KAZN: variants seen among roughly 807,000 people sequenced by gnomAD.
KAZN encodes kazrin, periplakin interacting protein.
KAZN carries 40 observed loss-of-function variants against 87.4 expected under a neutral mutation model. That is an observed-to-expected ratio of 0.46 (90% CI 0.36 to 0.60). The LOEUF is 0.60. Among genes scored for constraint, KAZN ranks in the 20% least tolerant of loss-of-function variants. KAZN has a pLI of 0.00. For synonymous variants in KAZN, 466 were observed against 458.3 expected (o/e 1.02, Z -0.22); for missense variants, 898 against 1,073.9 (o/e 0.84, Z 2.29).
Position 14,446,996 on chromosome 1 carries a change from A to G in KAZN, c.250-151987A>G, listed in dbSNP as rs1487388230. Among the ~76,000 whole-genome samples the G allele has an allele frequency of 2.0e-5, 3 of 152,118 alleles. No individual in the cohort carries two copies. In the East Asian group the frequency reaches 5.8e-4, roughly 29 times the overall value. On this transcript the variant is annotated intron_variant, in intron 2 of 16. Transcript: ENST00000636203. ...CATGATGCTGAGGTTTGGGGTACAA[A>G]TCCCGTCACCCAGTTAGTGAGCATA... is the stretch of plus-strand genomic sequence containing the variant.
intron 2 of KAZN, among the ~76,000 whole-genome samples, chr1:14,985,342 C>T (rs1237766755): frequency 7.1e-6 from 1 of 141,476 alleles, no homozygotes; most frequent in Non-Finnish European, 1.5e-5. Context: ...CCAGGTTGGG[C>T]AACATAGGGA....
intron 1 of KAZN, among the ~76,000 whole-genome samples, chr1:14,110,913 G>T (rs890781747): frequency 1.5e-5 from 2 of 135,114 alleles, no homozygotes; most frequent in Admixed American, 1.5e-4. Flanking sequence ...GTTTGTGTGT[G>T]TTTTTTACTT....
At chr1:14,405,445 T>C (rs1663759391) in intron 2 of KAZN, among the ~76,000 whole-genome samples, 1 of 151,872 alleles carries the variant, frequency 6.6e-6, no homozygotes, top group African/African-American at 2.4e-5. Flanking sequence ...CCTATAAGAG[T>C]AGTTTTGCGT....
chr1:14,522,478 C>T (rs190489951), intron 2 of KAZN, among the ~76,000 whole-genome samples: 40 of 152,260 alleles, frequency 2.6e-4, no homozygotes, highest in African/African-American at 9.6e-4. Context: ...GGAGCCAGCT[C>T]TTCCAAAAGG....
intron 1 of KAZN, among the ~76,000 whole-genome samples, chr1:13,911,563 T>A (rs1397114059): frequency 6.6e-6 from 1 of 152,102 alleles, no homozygotes; most frequent in East Asian, 1.9e-4. Flanking sequence ...TCCATCATGG[T>A]TGAGTCAGAA....
At chr1:14,272,407 A>G (rs2100686683) in intron 2 of KAZN, among the ~76,000 whole-genome samples, 1 of 152,362 alleles carries the variant, frequency 6.6e-6, no homozygotes, top group African/African-American at 2.4e-5. Context: ...TTTGAGGACT[A>G]GGCTACATGA....
rs370645244 is a variant in KAZN, at chr1:15,021,542, G to A, written c.419-13207G>A. 5.9e-5 allele frequency among the ~76,000 whole-genome samples: 9 copies of A among 152,090 alleles called. No homozygotes were observed. Among genetic ancestry groups the A allele is most frequent in the Admixed American group, 2.0e-4 (3 of 15,272 alleles). On this transcript the variant is annotated intron_variant, in intron 2 of 14. Transcript: ENST00000376030. This position sits in a 1 kb window ranked among gnomAD's most constrained non-coding sequence, Gnocchi z 4.2. The stretch of plus-strand genomic sequence containing the variant: ...TATACCTTGGCCTCCTGTCTCCCTC[G>A]GGGAGGAGCAGGCAGTGGGGGCCTG...
At chr1:14,084,180 G>A (rs761228479) in intron 1 of KAZN, among the ~76,000 whole-genome samples, 4 of 152,256 alleles carry the variant, frequency 2.6e-5, no homozygotes, top group South Asian at 2.1e-4. Flanking sequence ...GTCTGGGGAC[G>A]ATCAGAAGGT....
chr1:15,105,336 T>C (rs945272149), intron 13 of KAZN, among the ~76,000 whole-genome samples: 1 of 152,230 alleles, frequency 6.6e-6, no homozygotes, highest in African/African-American at 2.4e-5. Context: ...ATTCAATCTC[T>C]TCACTTGTTA....
chr1:14,343,895 G>T (rs747076294), intron 2 of KAZN, among the ~76,000 whole-genome samples: 1 of 152,008 alleles, frequency 6.6e-6, no homozygotes, highest in Non-Finnish European at 1.5e-5. Flanking sequence ...TAAAGAATTG[G>T]GTCCCCATTT....
At chr1:14,780,295 C>T (rs1042813215) in intron 1 of KAZN, among the ~76,000 whole-genome samples, 1 of 152,194 alleles carries the variant, frequency 6.6e-6, no homozygotes, top group Non-Finnish European at 1.5e-5. Flanking sequence ...TGTCTCTTCC[C>T]AGCCTCCCCT....
At chr1:14,405,205 T>A (rs11576759) in intron 2 of KAZN, among the ~76,000 whole-genome samples, 2,534 of 152,344 alleles carry the variant, frequency 0.017, 29 homozygotes, top group Non-Finnish European at 0.026. Flanking sequence ...GAAATGCAGA[T>A]TCTTTCTCTT....
intron 1 of KAZN, among the ~76,000 whole-genome samples, chr1:14,872,921 T>C (rs1383746022): frequency 7.5e-6 from 1 of 134,152 alleles, no homozygotes; most frequent in Non-Finnish European, 1.6e-5. Context: ...GTTGGGTGGA[T>C]GGATGGATGG....
chr1:14,881,490 C>T (rs1011261047), intron 1 of KAZN, among the ~76,000 whole-genome samples: 4 of 152,192 alleles, frequency 2.6e-5, no homozygotes, highest in East Asian at 1.9e-4. Flanking sequence ...GCCATCTTGC[C>T]GAATCTTCCA....
chr1:14,886,055 A>G (rs1654012354), intron 1 of KAZN, among the ~76,000 whole-genome samples: 1 of 151,996 alleles, frequency 6.6e-6, no homozygotes, highest in Non-Finnish European at 1.5e-5. Flanking sequence ...GTGGCAAGCC[A>G]TAAAGTCTCC....
In KAZN at chr1:15,104,154, G is replaced by A. The variant is rs960144533; in HGVS notation, c.2013G>A (p.Leu671=). The A allele has an allele frequency of 1.6e-5, 26 of 1,600,972 alleles. No homozygotes were observed. Among genetic ancestry groups the A allele is most frequent in the Non-Finnish European group, 2.0e-5 (24 of 1,174,176 alleles). ...PSGKHILRRH[L]AEEMSAVFHP... is the part of the protein sequence containing the mutation. ...GGAAGCACATCCTCCGGAGACACCT[G>A]GCAGAGGAGATGAGCGCCGTCTTCC... The change falls in exon 13 of 15, where the codon CTG becomes CTA. Residue 671 remains leucine (L), a synonymous_variant. Coordinates refer to ENST00000376030, the MANE Select transcript of KAZN (RefSeq NM_201628.3).
chr1:14,073,417 A>G (rs953822356), intron 1 of KAZN, among the ~76,000 whole-genome samples: 2 of 151,930 alleles, frequency 1.3e-5, no homozygotes, highest in Admixed American at 1.3e-4. Context: ...TTTTTTTATT[A>G]TACTTTAAGT....
Position 14,785,659 on chromosome 1 carries a change from G to A in KAZN, c.227-175025G>A, listed in dbSNP as rs1043509530. On this transcript the variant is annotated intron_variant, in intron 1 of 14. Coordinates refer to ENST00000376030, the MANE Select transcript of KAZN (RefSeq NM_201628.3). ...TGGCCCAGGACAAGTTATTTACCCC[G>A]TCTAAGCCTCAGTCTCCTCATCTCT... 8.5e-5 allele frequency among the ~76,000 whole-genome samples: 13 copies of A among 152,106 alleles called. No individual in the cohort carries two copies. The East Asian group carries it at 1.9e-3, about 23-fold the overall frequency.
intron 1 of KAZN, among the ~76,000 whole-genome samples, chr1:14,160,584 C>T (rs940281419): frequency 2.4e-4 from 36 of 152,158 alleles, no homozygotes; most frequent in African/African-American, 8.0e-4. Flanking sequence ...AGTTTTGGCT[C>T]TTATGAAGGT....
Sources: allele counts gnomAD v4.1 joint callset (sites outside exome capture counted in the v4.1 genomes callset), GRCh38; gene constraint gnomAD v4.1.1; non-coding constraint Gnocchi (gnomAD v3.1); transcripts MANE v1.5; gene names NCBI Gene and HGNC (gene_info 2026-07-23, HGNC 2026-07-21).